Variants in KIF23 observed in about 807,000 individuals in gnomAD.
KIF23 encodes kinesin family member 23.
In KIF23, 30 loss-of-function variants were observed where a neutral mutation model predicts 137.5. The ratio of observed to expected loss-of-function variants is 0.22; its 90% CI spans 0.16 to 0.30. The LOEUF (loss-of-function observed/expected upper bound fraction) is 0.30. Ranked by LOEUF, KIF23 falls within the 10% of genes least tolerant of loss-of-function variation. The probability of loss-of-function intolerance (pLI) is 1.00; values close to 1 mark genes in which losing one functional copy is unlikely to be tolerated. For synonymous variants in KIF23, 367 were observed against 391.1 expected (o/e 0.94, Z 0.73); for missense variants, 920 against 1,194.3 (o/e 0.77, Z 3.38).
chr15:69,427,095 A>G (rs1381419814), intron 10 of KIF23, among the ~76,000 whole-genome samples: 1 of 152,218 alleles, frequency 6.6e-6, no homozygotes, highest in Non-Finnish European at 1.5e-5. Flanking sequence ...CAGCCTGGAC[A>G]ACAAAACAAG....
chr15:69,444,728 C>G lies in KIF23; in HGVS notation c.2422-62C>G. ...ATGATACTGTCATCAACTAATGTAG[C>G]CAAACCTGCTGCACTTCTAATAATA... is the stretch of plus-strand genomic sequence containing the variant. On this transcript the variant is annotated intron_variant, in intron 19 of 23. Transcript: ENST00000679126. The surrounding 1 kb of genome is among the most constrained non-coding windows in gnomAD (Gnocchi z 4.2). The G allele has an allele frequency of 6.4e-7, 1 of 1,550,454 alleles. No individual in the cohort carries two copies.
In KIF23 at chr15:69,426,069, GACCTCC is replaced by G. The variant is rs2057182097; in HGVS notation, c.779_784del (p.Pro260_Pro261del). On this transcript the variant is annotated inframe_deletion and splice_region_variant, in exon 9 of 24. Coordinates refer to ENST00000679126, the MANE Select transcript of KIF23 (RefSeq NM_001367805.3). Reference sequence around the variant, plus strand: ...ACTAATCTTTTTTTTCTTTCCCATAGACCTCCACAATCTAAATTGCTTCGTGAAGAT... The same window carrying G: ...ACTAATCTTTTTTTTCTTTCCCATAGACAATCTAAATTGCTTCGTGAAGAT... 1 of 1,564,054 alleles carries G rather than the reference GACCTCC, an allele frequency of 6.4e-7. No individual in the cohort carries two copies. The highest frequency in any genetic ancestry group is 1.4e-5 in the African/African-American group (1 of 71,874).
chr15:69,421,466 G>A (rs1270035464), intron 3 of KIF23, among the ~76,000 whole-genome samples, 181 bp from the exon 4 acceptor site: 1 of 152,188 alleles, frequency 6.6e-6, no homozygotes, highest in African/African-American at 2.4e-5. Context: ...GTATGATATA[G>A]GTATGTCATG....
intron 11 of KIF23, chr15:69,434,941 G>T (rs2057439269): frequency 4.5e-6 from 3 of 667,150 alleles, no homozygotes; most frequent in Non-Finnish European, 7.8e-6. Flanking sequence ...CTGTACGCGG[G>T]CATGAGGATG....
chr15:69,437,334 G>C (rs535068105), intron 15 of KIF23, among the ~76,000 whole-genome samples: 1 of 152,160 alleles, frequency 6.6e-6, no homozygotes, highest in South Asian at 2.1e-4. Context: ...CTACATAGTG[G>C]GGATTGTAAT....
intron 11 of KIF23, among the ~76,000 whole-genome samples, chr15:69,433,039 T>A (rs1341758578): frequency 6.6e-6 from 1 of 152,162 alleles, no homozygotes; most frequent in Non-Finnish European, 1.5e-5. Flanking sequence ...AGACCTCAGG[T>A]TAAGAACCCC....
chr15:69,421,664 A>G lies in KIF23; in HGVS notation c.228A>G (p.Lys76=). Residue 76 remains lysine, a synonymous_variant, in exon 4 of 24, where the codon AAA becomes AAG. Coordinates refer to ENST00000679126, the MANE Select transcript of KIF23 (RefSeq NM_001367805.3). The part of the protein sequence containing the change: ...GDYKETQYSF[K]QVFGTHTTQK... ...CTCCACAGACTCAGTATTCATTTAAACAAGTATTTGGCACTCACACCACCC... is the reference window on the plus strand; with the variant it reads ...CTCCACAGACTCAGTATTCATTTAAGCAAGTATTTGGCACTCACACCACCC... The G allele has an allele frequency of 6.2e-7, 1 of 1,611,726 alleles. No homozygotes were observed.
intron 3 of KIF23, among the ~76,000 whole-genome samples, chr15:69,420,263 C>CA (rs993915353): frequency 3.2e-4 from 46 of 142,390 alleles, no homozygotes; most frequent in South Asian, 1.1e-3. Flanking sequence ...GACTCTGTTT[C>CA]AAAAAAAAAA....
rs1596033853 is a variant in KIF23 at position 69,448,404 on chromosome 15, A to C, written c.*597A>C. 1 of 144,718 alleles carries C rather than the reference A, an allele frequency of 6.9e-6. No individual in the cohort carries two copies. Among genetic ancestry groups the C allele is most frequent in the African/African-American group, 2.6e-5 (1 of 38,668 alleles). 9.0% of individuals were successfully genotyped at this position (144,718 alleles called of 1,614,324 possible). On this transcript the variant is annotated 3_prime_UTR_variant, in exon 24 of 24. Coordinates refer to ENST00000679126, the MANE Select transcript of KIF23 (RefSeq NM_001367805.3). ...ACATTTAGATATGCCAAAAGAATTA[A>C]AATCAAAAGCACTAAGAAATACATA...
At chr15:69,423,470 C>T (rs1044204012) in intron 7 of KIF23, 141 bp downstream of exon 7, 8 of 571,818 alleles carry the variant, frequency 1.4e-5, no homozygotes, top group Non-Finnish European at 2.0e-5. Context: ...TTGTATATCA[C>T]GTGGTTTTGT....
rs145095664 is a variant in KIF23 at position 69,423,231 on chromosome 15, A to G, written c.636A>G (p.Glu212=). ...QEFCKAEEVD[E]DSVYGVFVSY... ...TCTGCAAAGCAGAAGAGGTTGATGA[A>G]GATAGTGTCTATGGTGTATTTGTCT... Residue 212 remains glutamate (E), a synonymous_variant, in exon 7 of 24, where the codon GAA becomes GAG. Transcript: ENST00000679126. The G allele has an allele frequency of 8.2e-5, 131 of 1,596,158 alleles. No individual in the cohort carries two copies. Among genetic ancestry groups the G allele is most frequent in the Non-Finnish European group, 1.1e-4 (124 of 1,166,446 alleles).
Position 69,427,291 on chromosome 15 carries a change from A to G in KIF23, c.1011+834A>G, listed in dbSNP as rs570665633. ...TTTAGTATCCATAGGAGATCCTACA[A>G]CTAATCCCTCGAGGACACCAAGGGA... On this transcript the variant is annotated intron_variant, in intron 10 of 23. Transcript: ENST00000679126. The G allele has an allele frequency of 9.7e-5, 40 of 412,812 alleles. 2 individuals carry two copies. The highest frequency in any genetic ancestry group is 4.9e-4 in the South Asian group (28 of 57,428). The allele number at this position is 412,812 out of a possible 1,614,324, so 25.6% of individuals were successfully genotyped here.
Position 69,446,279 on chromosome 15 carries a change from T to C in KIF23, c.2757-4T>C, listed in dbSNP as rs1285365006. The C allele has an allele frequency of 6.2e-7, 1 of 1,613,706 alleles. No individual in the cohort carries two copies. ...ATTGTTGCATCATGTTTCCCCTTTT[T>C]CAGTAGTCGAAAACGAAGATCTTCC... On this transcript the variant is annotated splice_polypyrimidine_tract_variant and splice_region_variant and intron_variant, in intron 21 of 23. Transcript: ENST00000679126.
chr15:69,441,624 A>C (rs962389873), intron 19 of KIF23, among the ~76,000 whole-genome samples: 1 of 152,174 alleles, frequency 6.6e-6, no homozygotes, highest in Non-Finnish European at 1.5e-5. Flanking sequence ...TTGTGAAAGG[A>C]AATCACAGAC....
intron 11 of KIF23, among the ~76,000 whole-genome samples, chr15:69,431,381 A>G (rs1045750710): frequency 2.0e-5 from 3 of 152,232 alleles, no homozygotes; most frequent in African/African-American, 7.2e-5. Context: ...TGGGAGGCCA[A>G]GGCAGGCGGA....
At chr15:69,414,560 C>G (rs2140299613) in intron 1 of KIF23, 84 bp downstream of exon 1, 93 of 1,264,154 alleles carry the variant, frequency 7.4e-5, no homozygotes, top group Admixed American at 4.9e-4. Flanking sequence ...CCACTCAGGC[C>G]GCGGCCGTAC....
At chr15:69,426,574 C>A in intron 10 of KIF23, 117 bp downstream of exon 10, 2 of 1,118,778 alleles carry the variant, frequency 1.8e-6, no homozygotes, top group Non-Finnish European at 2.6e-6. Context: ...AAAAATCAGC[C>A]AGGCATGGTG....
At chr15:69,440,194 C>G (rs1221896166) in intron 17 of KIF23, 114 bp from the exon 18 acceptor site, 2 of 1,493,190 alleles carry the variant, frequency 1.3e-6, no homozygotes, top group Non-Finnish European at 9.0e-7. Context: ...TGGTTGTTAA[C>G]TCTCAGGAAG....
chr15:69,435,326 C>CA (rs548455390), intron 11 of KIF23, among the ~76,000 whole-genome samples, 157 bp from the exon 12 acceptor site: 1 of 151,998 alleles, frequency 6.6e-6, no homozygotes, highest in South Asian at 2.1e-4. Context: ...GAGCCTGGAC[C>CA]ATGCATAGAC....
Sources: gnomAD v4.1 joint callset for allele counts (sites outside exome capture counted in the v4.1 genomes callset) on GRCh38, gnomAD v4.1.1 for gene constraint, Gnocchi (gnomAD v3.1) non-coding constraint, MANE v1.5 for transcripts, NCBI Gene and HGNC (gene_info 2026-07-23, HGNC 2026-07-21) for gene names.